The following RB1 variants were observed in gnomAD, a reference collection of about 807,000 sequenced individuals.
RB1 encodes retinoblastoma-associated protein.
Under a neutral mutation model 135.4 loss-of-function variants are expected in RB1, and 18 were observed. The ratio of observed to expected loss-of-function variants is 0.13; its 90% confidence interval spans 0.09 to 0.20. The LOEUF (loss-of-function observed/expected upper bound fraction) is 0.20. Ranked by LOEUF, RB1 falls within the 10% of genes least tolerant of loss-of-function variation. The pLI is 1.00. For synonymous variants in RB1, 365 were observed against 373.2 expected, an observed-to-expected ratio of 0.98 and a Z score of 0.25; for missense variants, 868 against 1,110.0, an observed-to-expected ratio of 0.78 and a Z score of 3.10.
chr13:48,416,849 G>GC (rs1948919498), intron 17 of RB1, among the ~76,000 whole-genome samples: 2 of 152,254 alleles, frequency 1.3e-5, no homozygotes, highest in South Asian at 4.1e-4. Context: ...GCCCACTGTA[G>GC]CCCAACTGCT....
rs868434367 is a variant in RB1, at chr13:48,473,393, G to A, written c.2520+3G>A. The A allele has an allele frequency of 6.4e-7, 1 of 1,560,250 alleles. No individual in the cohort carries two copies. On this transcript the variant is annotated splice_donor_region_variant and intron_variant, in intron 24 of 26. Transcript: ENST00000267163. ...TATCAATTGGTGAATCATTCGGGGT[G>A]AGTATTTTCTTTCTATGAAATATAA...
At chr13:48,453,632 T>C (rs939559458) in intron 18 of RB1, among the ~76,000 whole-genome samples, 1 of 152,130 alleles carries the variant, frequency 6.6e-6, no homozygotes, top group Admixed American at 6.5e-5. Flanking sequence ...TCAATCAATG[T>C]AGTAGTTTAT....
At chr13:48,426,391 C>CT (rs1386357316) in intron 17 of RB1, among the ~76,000 whole-genome samples, 2 of 152,088 alleles carry the variant, frequency 1.3e-5, no homozygotes, top group African/African-American at 4.8e-5. Flanking sequence ...TTTGGTATGC[C>CT]TTTTTTAGCA....
intron 1 of RB1, among the ~76,000 whole-genome samples, chr13:48,305,794 A>AT (rs1464389789): frequency 6.6e-6 from 1 of 152,232 alleles, no homozygotes; most frequent in Non-Finnish European, 1.5e-5. Flanking sequence ...GATACTGAGC[A>AT]TCTTGCCTGG....
chr13:48,328,527 T>C lies in RB1; in HGVS notation c.265-14072T>C, dbSNP rs1271424372. On this transcript the variant is annotated intron_variant, in intron 2 of 26. Coordinates refer to ENST00000267163, the MANE Select transcript of RB1 (RefSeq NM_000321.3). ...CAGCAGCTCCAGCTCATTGCGACTT[T>C]TCCGGCTTCTCCTCTCCCGCCTTCC... The C allele has an allele frequency of 5.3e-6, 4 of 760,056 alleles. 1 individual carries two copies. The East Asian group carries it at 9.9e-5, about 19-fold the overall frequency. The allele number at this position is 760,056 out of a possible 1,614,324, so 47.1% of individuals were successfully genotyped here.
At chr13:48,345,003 A>G (rs1289152617) in intron 3 of RB1, 77 bp from the exon 4 acceptor site, 3 of 1,475,494 alleles carry the variant, frequency 2.0e-6, no homozygotes, top group East Asian at 4.6e-5. Context: ...TTGAATTGAA[A>G]TATCTATGAT....
intron 17 of RB1, among the ~76,000 whole-genome samples, chr13:48,390,655 C>T (rs1948604558): frequency 6.6e-6 from 1 of 152,132 alleles, no homozygotes; most frequent in Non-Finnish European, 1.5e-5. Flanking sequence ...GTGCATAAAG[C>T]ATTAGATTTG....
chr13:48,459,128 C>G (rs1192210751), intron 19 of RB1, among the ~76,000 whole-genome samples: 1 of 152,160 alleles, frequency 6.6e-6, no homozygotes, highest in African/African-American at 2.4e-5. Flanking sequence ...CTACTTCCCA[C>G]CTCTGCCCCA....
At chr13:48,378,046 G>A (rs1375479144) in intron 13 of RB1, among the ~76,000 whole-genome samples, 1 of 152,180 alleles carries the variant, frequency 6.6e-6, no homozygotes, top group Non-Finnish European at 1.5e-5. Flanking sequence ...AAGTTGCTCT[G>A]AATGAGTCAG....
At position 48,475,953 on chromosome 13, in the gene RB1, A is replaced by G. The variant is rs75651986; in HGVS notation, c.2521-748A>G. Among the ~76,000 whole-genome samples, 1,126 of 152,324 alleles carry G rather than the reference A, an allele frequency of 7.4e-3. 17 individuals carry two copies. The highest frequency in any genetic ancestry group is 0.026 in the African/African-American group (1,077 of 41,572). ...TTTGCTTGCCATAACCTCTAAAATA[A>G]TTGGGAAAAAGTTGAATGTACTTCC... On this transcript the variant is annotated intron_variant, in intron 24 of 26. Coordinates refer to ENST00000267163, the MANE Select transcript of RB1 (RefSeq NM_000321.3).
intron 17 of RB1, among the ~76,000 whole-genome samples, chr13:48,430,114 A>G (rs1470465410): frequency 3.3e-5 from 5 of 152,124 alleles, no homozygotes; most frequent in African/African-American, 1.2e-4. Flanking sequence ...CCACACCTTC[A>G]CCCAAACCAG....
intron 2 of RB1, among the ~76,000 whole-genome samples, chr13:48,314,023 C>G (rs1406404798): frequency 6.6e-6 from 1 of 152,172 alleles, no homozygotes; most frequent in Non-Finnish European, 1.5e-5. Context: ...GCTGGGATTA[C>G]AGGCGTGAGC....
chr13:48,477,228 TAA>T (rs1227106315), intron 25 of RB1, 125 bp from the exon 26 acceptor site: 1 of 704,650 alleles, frequency 1.4e-6, no homozygotes, highest in African/African-American at 1.8e-5. Flanking sequence ...TTTTAAATTT[TAA>T]AATTAAAAGC....
intron 17 of RB1, among the ~76,000 whole-genome samples, chr13:48,383,557 C>T (rs745795571): frequency 6.6e-5 from 10 of 151,896 alleles, no homozygotes; most frequent in Non-Finnish European, 1.2e-4. Flanking sequence ...AATTTCCTTA[C>T]GTTTTGAATT....
intron 17 of RB1, among the ~76,000 whole-genome samples, chr13:48,399,545 C>T (rs1454792909): frequency 1.3e-5 from 2 of 151,848 alleles, no homozygotes; most frequent in Non-Finnish European, 2.9e-5. Flanking sequence ...GGAATATAAG[C>T]TCAATGTAAT....
intron 17 of RB1, among the ~76,000 whole-genome samples, chr13:48,407,382 A>C (rs936424726): frequency 1.3e-5 from 2 of 152,184 alleles, no homozygotes; most frequent in Admixed American, 1.3e-4. Context: ...GGAGAGGCTT[A>C]ACACTATCAT....
At chr13:48,419,959 A>G (rs1333276027) in intron 17 of RB1, among the ~76,000 whole-genome samples, 1 of 152,238 alleles carries the variant, frequency 6.6e-6, no homozygotes, top group East Asian at 1.9e-4. Flanking sequence ...TGCCAGAGGT[A>G]CAAGGAGGAG....
chr13:48,388,316 C>A (rs1356656498), intron 17 of RB1, among the ~76,000 whole-genome samples: 1 of 151,952 alleles, frequency 6.6e-6, no homozygotes, highest in East Asian at 1.9e-4. Flanking sequence ...ATGAGGTTTG[C>A]TTGGGAAGAT....
intron 2 of RB1, among the ~76,000 whole-genome samples, chr13:48,309,795 T>G (rs1237640372): frequency 6.6e-6 from 1 of 152,242 alleles, no homozygotes; most frequent in Non-Finnish European, 1.5e-5. Flanking sequence ...TATTTTTTTT[T>G]GTACTAAACT....
Sources: allele counts gnomAD v4.1 joint callset (sites outside exome capture counted in the v4.1 genomes callset), GRCh38; gene constraint gnomAD v4.1.1; transcripts MANE v1.5; gene names NCBI Gene and HGNC (gene_info 2026-07-23, HGNC 2026-07-21).